TBC1D20: variants seen among roughly 807,000 people sequenced by gnomAD.
TBC1D20 encodes chromosome 20 open reading frame 140.
A neutral mutation model predicts 41.6 loss-of-function variants in TBC1D20; 12 were observed. That is an observed-to-expected ratio of 0.29 (90% CI 0.18 to 0.47). The LOEUF (loss-of-function observed/expected upper bound fraction) is 0.47, where lower values mean the gene tolerates loss of function less well. TBC1D20 is among the 20% of genes least tolerant of loss of function. The probability of loss-of-function intolerance (pLI) is 1.00; values close to 1 mark genes in which losing one functional copy is unlikely to be tolerated. For synonymous variants in TBC1D20, 205 were observed against 204.8 expected (o/e 1.00, Z -0.01); for missense variants, 421 against 517.4 (o/e 0.81, Z 1.81).
At chr20:448,837 C>T (rs988334791) in intron 1 of TBC1D20, among the ~76,000 whole-genome samples, 2 of 149,152 alleles carry the variant, frequency 1.3e-5, no homozygotes, top group African/African-American at 2.5e-5. Context: ...AATAATTACA[C>T]GTACTTTTTT....
chr20:444,469 C>T (rs1021772792), intron 3 of TBC1D20, among the ~76,000 whole-genome samples: 2 of 152,194 alleles, frequency 1.3e-5, no homozygotes, highest in Non-Finnish European at 2.9e-5. Flanking sequence ...TTGCCCAGTT[C>T]CCTTCACTGT....
At chr20:449,036 T>C (rs989450831) in intron 1 of TBC1D20, among the ~76,000 whole-genome samples, 19 of 150,422 alleles carry the variant, frequency 1.3e-4, no homozygotes, top group Non-Finnish European at 2.1e-4. Flanking sequence ...TTAGCAGAGA[T>C]AGCGTTCACA....
chr20:447,752 C>T, intron 2 of TBC1D20, 137 bp downstream of exon 2: 1 of 595,510 alleles, frequency 1.7e-6, no homozygotes, highest in Non-Finnish European at 2.6e-6. Context: ...CAGAGTGGGC[C>T]CAAGCATTTC....
chr20:448,152 T>A (rs2017373063), intron 1 of TBC1D20, 78 bp from the exon 2 acceptor site: 1 of 1,012,122 alleles, frequency 9.9e-7, no homozygotes, highest in Admixed American at 1.9e-5. Flanking sequence ...AGCTCCTTTT[T>A]GATATGAGGT....
At chr20:456,375 C>T (rs2017540356) in intron 1 of TBC1D20, among the ~76,000 whole-genome samples, 1 of 152,166 alleles carries the variant, frequency 6.6e-6, no homozygotes, top group East Asian at 1.9e-4. Flanking sequence ...ATCCGCCTGC[C>T]CATTTGTCCA....
At chr20:442,172 T>A (rs2017247385) in intron 3 of TBC1D20, 129 bp from the exon 4 acceptor site, 8 of 840,768 alleles carry the variant, frequency 9.5e-6, no homozygotes, top group Non-Finnish European at 1.1e-5. Context: ...GCAACGCATA[T>A]CAAGATCCAC....
rs1568578556 is a variant in TBC1D20 at position 447,912 on chromosome 20, G to GCATTGA, written c.227_232dup (p.Val76_Asn77dup). On this transcript the variant is annotated inframe_insertion, in exon 2 of 8. Coordinates refer to ENST00000354200, the MANE Select transcript of TBC1D20 (RefSeq NM_144628.4). Reference sequence around the variant, plus strand: ...ACCTGATATAGGAGGTGGGTCATTGGCATTGACATTGAGGAGCTTGGGCCA... The same window carrying GCATTGA: ...ACCTGATATAGGAGGTGGGTCATTGGCATTGACATTGACATTGAGGAGCTTGGGCCA... 1 of 1,613,032 alleles carries GCATTGA rather than the reference G, an allele frequency of 6.2e-7. No individual in the cohort carries two copies. The highest frequency in any genetic ancestry group is 8.5e-7 in the Non-Finnish European group (1 of 1,179,740).
intron 1 of TBC1D20, among the ~76,000 whole-genome samples, chr20:449,171 T>G (rs1219813831): frequency 7.4e-6 from 1 of 134,746 alleles, no homozygotes; most frequent in Non-Finnish European, 1.6e-5. Flanking sequence ...TTTTTTTTTT[T>G]GAGAAGGACT....
rs1487107128 is a variant in TBC1D20 at position 440,519 on chromosome 20, C to T, written c.627-130G>A. On this transcript the variant is annotated intron_variant, in intron 5 of 7. Transcript: ENST00000354200. ...TGGAAAATTCAGTTACCTAGGAATT[C>T]AGCATCTTCTCCTTACAAAATATTT... 5.2e-5 allele frequency: 59 copies of T among 1,128,542 alleles called. No individual in the cohort carries two copies. In the Middle Eastern group the frequency reaches 3.4e-3, roughly 65 times the overall value. The allele number at this position is 1,128,542 out of a possible 1,614,324, so 69.9% of individuals were successfully genotyped here. A position where few individuals can be genotyped will look rare whatever the true frequency, so the allele number is the denominator to read the frequency against.
Position 439,177 on chromosome 20 carries a change from C to G in TBC1D20, c.887G>C (p.Gly296Ala). 1 of 1,614,186 alleles carries G rather than the reference C, an allele frequency of 6.2e-7. No individual in the cohort carries two copies. The highest frequency in any genetic ancestry group is 8.5e-7 in the Non-Finnish European group (1 of 1,180,026). The change falls in exon 7 of 8, where the codon GGA becomes GCA. Residue 296 changes from glycine (G) to alanine (A), a missense_variant. Gly to Ala is a moderately conservative substitution (Grantham distance 60). Coordinates refer to ENST00000354200, the MANE Select transcript of TBC1D20 (RefSeq NM_144628.4). The surrounding 1 kb of genome is among the most constrained non-coding windows in gnomAD (Gnocchi z 4.6). The stretch of plus-strand genomic sequence containing the variant: ...TGGGGGAAACTGAACAAAAAGGTCT[C>G]CTGCTCTGCTGATCAGTGTCTCATA... The part of the protein sequence containing the change: ...LPYETLISRA[G>A]DLFVQFPPSE...
rs2017112904 is a variant in TBC1D20, at chr20:436,079, TG to T, written c.*2506del. 1 of 152,250 alleles carries T rather than the reference TG, an allele frequency of 6.6e-6. No individual in the cohort carries two copies. Among genetic ancestry groups the T allele is most frequent in the African/African-American group, 2.4e-5 (1 of 41,456 alleles). The allele number at this position is 152,250 out of a possible 1,614,324, so 9.4% of individuals were successfully genotyped here. A position where few individuals can be genotyped will look rare whatever the true frequency, so the allele number is the denominator to read the frequency against. Reference sequence around the variant, plus strand: ...ATATCACAGTGCCCTGGGCTGCAGCTGGAGTGTGTGGGTCATAATTCTTGCA... The same window carrying T: ...ATATCACAGTGCCCTGGGCTGCAGCTGAGTGTGTGGGTCATAATTCTTGCA... On this transcript the variant is annotated 3_prime_UTR_variant, in exon 8 of 8. Coordinates refer to ENST00000354200, the MANE Select transcript of TBC1D20 (RefSeq NM_144628.4).
intron 1 of TBC1D20, among the ~76,000 whole-genome samples, chr20:448,930 G>C (rs186347231): frequency 0.014 from 1,942 of 138,004 alleles, 27 homozygotes; most frequent in Non-Finnish European, 0.019. Context: ...TGCAACCTCC[G>C]CCTCCCGGGT....
intron 1 of TBC1D20, among the ~76,000 whole-genome samples, chr20:452,160 AGCCTG>A (rs1329545284): frequency 2.0e-5 from 3 of 152,134 alleles, no homozygotes; most frequent in African/African-American, 4.8e-5. Flanking sequence ...TACAAAAGTT[AGCCTG>A]GCCTGGTGGC....
At position 441,655 on chromosome 20, in the gene TBC1D20, G is replaced by T. The variant is rs758653370; in HGVS notation, c.559C>A (p.His187Asn). The T allele has an allele frequency of 6.2e-7, 1 of 1,614,154 alleles. No individual in the cohort carries two copies. Among genetic ancestry groups the T allele is most frequent in the Non-Finnish European group, 8.5e-7 (1 of 1,180,034 alleles). Residue 187 changes from histidine (H) to asparagine (N), a missense_variant, in exon 5 of 8, where the codon CAT becomes AAT. His to Asn is a moderately conservative substitution (Grantham distance 68). Transcript: ENST00000354200. Reference protein sequence around the residue: ...FMDPTMDNTKHILNYLMPIID... With the variant: ...FMDPTMDNTKNILNYLMPIID... ...ATGGGCATCAGATAGTTTAATATAT[G>T]CTTGGTGTTGTCCATTGTTGGATCC...
At position 438,616 on chromosome 20, in the gene TBC1D20, G is replaced by T. The variant is rs753314337; in HGVS notation, c.1182C>A (p.Ala394=). 6.2e-7 allele frequency: 1 copy of T among 1,614,150 alleles called. No homozygotes were observed. Among genetic ancestry groups the T allele is most frequent in the Non-Finnish European group, 8.5e-7 (1 of 1,180,002 alleles). ...GAAACAGCTGCAGCTGAAACTTAGG[G>T]GCCCATTCCAGGGCACTTTTCACCA... ...LAVVKSALEW[A]PKFQLQLFP The change falls in exon 8 of 8, where the codon GCC becomes GCA. Residue 394 remains alanine, a synonymous_variant. Transcript: ENST00000354200.
intron 5 of TBC1D20, chr20:441,072 G>A (rs2017219622): frequency 6.5e-6 from 1 of 153,732 alleles, no homozygotes; most frequent in Non-Finnish European, 1.4e-5. Flanking sequence ...TGGGCAACAA[G>A]AGAAAATACT....
intron 1 of TBC1D20, among the ~76,000 whole-genome samples, chr20:453,387 T>TGAGG (rs1555755293): frequency 1.1e-4 from 16 of 145,972 alleles, no homozygotes; most frequent in African/African-American, 2.1e-4. Context: ...GGCAGGAGAA[T>TGAGG]TGCTTGAACC....
In TBC1D20 at chr20:435,886, G is replaced by T; in HGVS notation, c.*2700C>A. On this transcript the variant is annotated 3_prime_UTR_variant, in exon 8 of 8. Coordinates refer to ENST00000354200, the MANE Select transcript of TBC1D20 (RefSeq NM_144628.4). The stretch of plus-strand genomic sequence containing the variant: ...ACCCTCTCTGGAATGAGGGTCTTAT[G>T]AGCTACAGTCAGATTAAAGTCTGGT... The T allele has an allele frequency of 6.5e-6, 1 of 153,138 alleles. No individual in the cohort carries two copies. Among genetic ancestry groups the T allele is most frequent in the South Asian group, 1.9e-4 (1 of 5,202 alleles). The allele number at this position is 153,138 out of a possible 1,614,324, so 9.5% of individuals were successfully genotyped here.
Position 448,093 on chromosome 20 carries a change from A to G in TBC1D20, c.71-19T>C, listed in dbSNP as rs367700697. The G allele has an allele frequency of 1.3e-6, 2 of 1,592,554 alleles. No homozygotes were observed. On this transcript the variant is annotated intron_variant, in intron 1 of 7. Coordinates refer to ENST00000354200, the MANE Select transcript of TBC1D20 (RefSeq NM_144628.4). The stretch of plus-strand genomic sequence containing the variant: ...TTAAAGTCTGAAGATAAGGATAGGG[A>G]AGAATTAGGCGCACATTCAGCACGT...
Sources: allele counts gnomAD v4.1 joint callset (sites outside exome capture counted in the v4.1 genomes callset), GRCh38; gene constraint gnomAD v4.1.1; non-coding constraint Gnocchi (gnomAD v3.1); transcripts MANE v1.5; gene names NCBI Gene and HGNC (gene_info 2026-07-23, HGNC 2026-07-21).